C11orf65: variants seen among roughly 807,000 people sequenced by gnomAD.
The protein encoded by C11orf65 is chromosome 11 open reading frame 65, also known as protein MFI.
A neutral mutation model predicts 35.3 loss-of-function variants in C11orf65; 38 were observed. That is an observed-to-expected ratio of 1.08 (90% CI 0.83 to 1.41). C11orf65 has a LOEUF of 1.41. C11orf65 is among the 40% of genes most tolerant of loss of function. C11orf65 has a pLI of 0.00. For synonymous variants in C11orf65, 105 were observed against 114.4 expected, an observed-to-expected ratio of 0.92 and a Z score of 0.53; for missense variants, 370 against 367.1, an observed-to-expected ratio of 1.01 and a Z score of -0.06.
chr11:108,444,811 C>T (rs2093224222), intron 2 of C11orf65, among the ~76,000 whole-genome samples: 1 of 152,178 alleles, frequency 6.6e-6, no homozygotes, highest in African/African-American at 2.4e-5. Context: ...AAGGCATTGC[C>T]TCACTCCGGC....
Position 108,317,348 on chromosome 11 carries a change from TAAAAAC to T in C11orf65, c.641-8283_641-8278del, listed in dbSNP as rs1360645587. Reference sequence around the variant, plus strand: ...TGTTGATATCTTTGATTACTTAACTTAAAAACAAAATAACTCCTGTTTAGGCCTTGC... The same window carrying T: ...TGTTGATATCTTTGATTACTTAACTTAAAATAACTCCTGTTTAGGCCTTGC... On this transcript the variant is annotated intron_variant, in intron 6 of 6. Transcript: ENST00000525729. The T allele has an allele frequency of 5.6e-6, 9 of 1,605,632 alleles. No individual in the cohort carries two copies. The highest frequency in any genetic ancestry group is 1.3e-5 in the African/African-American group (1 of 74,536).
At chr11:108,337,058 G>A (rs2086933673) in intron 2 of C11orf65, among the ~76,000 whole-genome samples, 1 of 151,892 alleles carries the variant, frequency 6.6e-6, no homozygotes, top group South Asian at 2.1e-4. Flanking sequence ...TAAAATAATG[G>A]CTAAATTAAA....
chr11:108,390,971 CT>C (rs1441563738), intron 7 of C11orf65, among the ~76,000 whole-genome samples: 1 of 151,684 alleles, frequency 6.6e-6, no homozygotes, highest in Non-Finnish European at 1.5e-5. Context: ...CTTCTTTTTT[CT>C]TTTATTCTTG....
chr11:108,442,377 T>C (rs996761302), intron 2 of C11orf65, among the ~76,000 whole-genome samples: 1 of 152,158 alleles, frequency 6.6e-6, no homozygotes, highest in Admixed American at 6.5e-5. Context: ...ATGTGGAGAA[T>C]GGAATCAAGT....
At position 108,325,297 on chromosome 11, in the gene C11orf65, T is replaced by A. The variant is rs530565990; in HGVS notation, c.641-16226A>T. 1 of 1,357,104 alleles carries A rather than the reference T, an allele frequency of 7.4e-7. No homozygotes were observed. The highest frequency in any genetic ancestry group is 1.5e-5 in the African/African-American group (1 of 68,936). The allele number at this position is 1,357,104 out of a possible 1,614,324, so 84.1% of individuals were successfully genotyped here. ...TTCTCTTGCTTACATGAACTCTATG[T>A]CGTGGCATTCAGATCAGTCACACAT... On this transcript the variant is annotated intron_variant, in intron 6 of 6. Coordinates refer to the C11orf65 transcript ENST00000525729.
At chr11:108,345,969 T>C in intron 2 of C11orf65, 1 of 1,592,946 alleles carries the variant, frequency 6.3e-7, no homozygotes, top group Non-Finnish European at 8.6e-7. Context: ...TTTATTTTTG[T>C]TTGATTCAGC....
intron 2 of C11orf65, among the ~76,000 whole-genome samples, chr11:108,434,395 C>T (rs1591546437): frequency 6.6e-6 from 1 of 151,950 alleles, no homozygotes; most frequent in Non-Finnish European, 1.5e-5. Flanking sequence ...ATCCCAGCTA[C>T]TCAGGAGGCT....
At chr11:108,384,450 GA>G (rs1480538880) in intron 8 of C11orf65, among the ~76,000 whole-genome samples, 4 of 152,130 alleles carry the variant, frequency 2.6e-5, no homozygotes, top group Non-Finnish European at 4.4e-5. Context: ...TACTAGTGAA[GA>G]AACCGAGCTA....
exon 7 of C11orf65, chr11:108,308,970 C>G: frequency 2.0e-6 from 3 of 1,505,214 alleles, no homozygotes; most frequent in Non-Finnish European, 2.7e-6. Flanking sequence ...TCATTTCAGA[C>G]TTACCATTGG....
chr11:108,446,307 A>G (rs1364794740), intron 2 of C11orf65, among the ~76,000 whole-genome samples: 21 of 151,486 alleles, frequency 1.4e-4, no homozygotes, highest in African/African-American at 5.1e-4. Context: ...CCTTGAGAAG[A>G]GCAACTCCAA....
chr11:108,468,818 T>C (rs1301207525), upstream of C11orf65, among the ~76,000 whole-genome samples: 2 of 152,048 alleles, frequency 1.3e-5, no homozygotes, highest in Non-Finnish European at 2.9e-5. Context: ...AAAATTTAAA[T>C]TCAGGCCAGG....
Position 108,406,756 on chromosome 11 carries a change from T to C in C11orf65, c.429+7A>G. On this transcript the variant is annotated splice_region_variant and intron_variant, in intron 5 of 8. Coordinates refer to ENST00000393084, the MANE Select transcript of C11orf65 (RefSeq NM_152587.5). The stretch of plus-strand genomic sequence containing the variant: ...AAGGTTAAAAATTAACATTTCTCTT[T>C]TCTTACTGTATCAGAAACTGGCCTC... 6.4e-7 allele frequency: 1 copy of C among 1,559,070 alleles called. No individual in the cohort carries two copies.
At chr11:108,437,413 T>C (rs2093077226) in intron 2 of C11orf65, among the ~76,000 whole-genome samples, 1 of 151,952 alleles carries the variant, frequency 6.6e-6, no homozygotes, top group Non-Finnish European at 1.5e-5. Flanking sequence ...TAGATAAAAA[T>C]AGATACTGAA....
At chr11:108,427,669 T>C (rs2092923174) in intron 3 of C11orf65, among the ~76,000 whole-genome samples, 1 of 112,356 alleles carries the variant, frequency 8.9e-6, no homozygotes, top group Non-Finnish European at 1.7e-5. Context: ...TTGCAGTGAG[T>C]TGAGATCGCG....
At chr11:108,451,223 G>C (rs1478242464) in intron 2 of C11orf65, among the ~76,000 whole-genome samples, 1 of 151,306 alleles carries the variant, frequency 6.6e-6, no homozygotes, top group Admixed American at 6.6e-5. Context: ...AATTGTCTCT[G>C]TTTGCAGACG....
chr11:108,431,459 T>TA (rs1441416113), intron 3 of C11orf65, among the ~76,000 whole-genome samples: 2 of 152,164 alleles, frequency 1.3e-5, no homozygotes, highest in Non-Finnish European at 2.9e-5. Context: ...TGTTAGAATA[T>TA]AAAATAGTGG....
chr11:108,325,639 G>C (rs1565519504), intron 6 of C11orf65: 6 of 1,041,562 alleles, frequency 5.8e-6, no homozygotes. Flanking sequence ...ATGTCATTAA[G>C]AGATAGAGAT....
At chr11:108,400,283 T>C (rs960981805) in intron 6 of C11orf65, among the ~76,000 whole-genome samples, 2 of 152,222 alleles carry the variant, frequency 1.3e-5, no homozygotes, top group African/African-American at 4.8e-5. Context: ...CAAATGTCTT[T>C]AAGCTTCAAT....
chr11:108,461,391 TTC>T, intron 2 of C11orf65, 86 bp downstream of exon 2: 4 of 1,005,754 alleles, frequency 4.0e-6, no homozygotes, highest in Non-Finnish European at 6.1e-6. Flanking sequence ...CAGAGAGAGA[TTC>T]TGTCTTAAAA....
Sources: allele counts gnomAD v4.1 joint callset (sites outside exome capture counted in the v4.1 genomes callset), GRCh38; gene constraint gnomAD v4.1.1; transcripts MANE v1.5; gene names NCBI Gene and HGNC (gene_info 2026-07-23, HGNC 2026-07-21).